The following KIF19 variants were observed in gnomAD, a reference collection of about 807,000 sequenced individuals.
KIF19 encodes the protein kinesin-like protein KIF19.
Under a neutral mutation model 106.6 loss-of-function variants are expected in KIF19, and 98 were observed. The observed-to-expected ratio is 0.92, with a 90% confidence interval of 0.78 to 1.09. The LOEUF is 1.09. Ranked by LOEUF, KIF19 falls within the 50% of genes least tolerant of loss-of-function variation. The probability of loss-of-function intolerance (pLI) is 0.00; values close to 1 mark genes in which losing one functional copy is unlikely to be tolerated. For missense variants in KIF19, 1,373 were observed against 1,414.3 expected (o/e 0.97, Z 0.47); for synonymous variants, 516 against 584.2 (o/e 0.88, Z 1.68).
chr17:74,344,709 C>T (rs1425997628), intron 6 of KIF19, 52 bp from the exon 7 acceptor site: 2 of 1,550,180 alleles, frequency 1.3e-6, no homozygotes, highest in East Asian at 2.3e-5. Flanking sequence ...CTCCTCTCTG[C>T]CGGAGCACCT....
intron 2 of KIF19, chr17:74,329,233 G>A (rs192113351): frequency 5.3e-4 from 80 of 152,244 alleles, no homozygotes; most frequent in African/African-American, 1.8e-3. Flanking sequence ...CAGATCACGA[G>A]GTCAAGAGAT....
intron 10 of KIF19, 69 bp downstream of exon 10, chr17:74,349,418 A>C: frequency 6.9e-7 from 1 of 1,453,648 alleles, no homozygotes; most frequent in East Asian, 2.4e-5. Context: ...GGATCAGGCC[A>C]TGTTGTGTTC....
chr17:74,343,233 G>A, intron 5 of KIF19, 73 bp downstream of exon 5: 1 of 1,497,010 alleles, frequency 6.7e-7, no homozygotes, highest in South Asian at 1.2e-5. Context: ...AGCTTCCCGG[G>A]GCGCTCATCA....
chr17:74,333,920 C>G (rs978720954), intron 2 of KIF19, among the ~76,000 whole-genome samples: 1 of 142,184 alleles, frequency 7.0e-6, no homozygotes, highest in Non-Finnish European at 1.5e-5. Context: ...AATTCCTGGG[C>G]TCAAAGGATC....
In KIF19 at chr17:74,326,230, T is replaced by A; in HGVS notation, c.-120T>A. The A allele has an allele frequency of 1.1e-6, 1 of 901,874 alleles. No homozygotes were observed. The highest frequency in any genetic ancestry group is 2.9e-5 in the East Asian group (1 of 34,332). 55.9% of individuals were successfully genotyped at this position (901,874 alleles called of 1,614,324 possible). A position where few individuals can be genotyped will look rare whatever the true frequency, so the allele number is the denominator to read the frequency against. The stretch of plus-strand genomic sequence containing the variant: ...CGCTGGCGCGTTGTTGGTTTCGGGT[T>A]GTCAGGCAGCGCGCGAGGCGGCGGG... On this transcript the variant is annotated 5_prime_UTR_variant, in exon 1 of 20. Transcript: ENST00000389916.
At chr17:74,340,555 G>GCGCACGCACACACACACA in intron 2 of KIF19, among the ~76,000 whole-genome samples, 1 of 148,210 alleles carries the variant, frequency 6.7e-6, no homozygotes, top group Non-Finnish European at 1.5e-5. Flanking sequence ...ATGCGCGCGC[G>GCGCACGCACACACACACA]TACACACACA....
At chr17:74,351,795 G>A in intron 12 of KIF19, 72 bp from the exon 13 acceptor site, 1 of 1,354,888 alleles carries the variant, frequency 7.4e-7, no homozygotes, top group East Asian at 3.1e-5. Flanking sequence ...GCGCTGGAGG[G>A]TCGAGGACGA....
intron 6 of KIF19, 145 bp downstream of exon 6, chr17:74,344,493 G>A (rs1850879551): frequency 1.5e-6 from 2 of 1,301,456 alleles, no homozygotes; most frequent in Non-Finnish European, 2.1e-6. Flanking sequence ...CAGCAAGGAG[G>A]GGACTCACAC....
chr17:74,344,690 C>G (rs967820155), intron 6 of KIF19, 71 bp from the exon 7 acceptor site: 2 of 1,494,196 alleles, frequency 1.3e-6, no homozygotes, highest in South Asian at 1.3e-5. Flanking sequence ...CTGCTAGCCC[C>G]CTCAGGGGCT....
Position 74,328,415 on chromosome 17 carries a change from TC to T in KIF19, c.40-7del, listed in dbSNP as rs1598363998. The stretch of plus-strand genomic sequence containing the variant: ...CCCTCTAATCCCAGGGGCTTGGTTT[TC>T]CCTCCCAGGTGGCGCTTCGGGTCCG... On this transcript the variant is annotated splice_polypyrimidine_tract_variant and intron_variant, in intron 1 of 19. Coordinates refer to ENST00000389916, the MANE Select transcript of KIF19 (RefSeq NM_153209.4). 6.2e-7 allele frequency: 1 copy of T among 1,602,084 alleles called. No homozygotes were observed. The highest frequency in any genetic ancestry group is 8.5e-7 in the Non-Finnish European group (1 of 1,175,488).
intron 9 of KIF19, 91 bp from the exon 10 acceptor site, chr17:74,349,093 G>A (rs1054985560): frequency 7.6e-7 from 1 of 1,323,366 alleles, no homozygotes; most frequent in Non-Finnish European, 1.1e-6. Flanking sequence ...AAGACTGGGG[G>A]AGGCAGGGGG....
rs550045285 is a variant in KIF19 at position 74,350,331 on chromosome 17, C to G, written c.1214-70C>G. 5 of 1,437,444 alleles carry G rather than the reference C, an allele frequency of 3.5e-6. No homozygotes were observed. In the Admixed American group the frequency reaches 8.8e-5, roughly 25 times the overall value. The allele number at this position is 1,437,444 out of a possible 1,614,324, so 89.0% of individuals were successfully genotyped here. On this transcript the variant is annotated intron_variant, in intron 10 of 19. Transcript: ENST00000389916. ...TGGGAAGAAAAGGAGGGGAGGGGCC[C>G]AGGTGGGCCCAGGCTTTGCTAGCTG...
At chr17:74,342,497 C>T (rs1051464827) in intron 3 of KIF19, 133 bp from the exon 4 acceptor site, 12 of 679,938 alleles carry the variant, frequency 1.8e-5, no homozygotes, top group Admixed American at 7.2e-5. Flanking sequence ...TCCCCCACCC[C>T]CCACCCCCAC....
chr17:74,343,230 C>A, intron 5 of KIF19, 70 bp downstream of exon 5: 5 of 1,519,568 alleles, frequency 3.3e-6, no homozygotes, highest in East Asian at 4.6e-5. Context: ...TGCAGCTTCC[C>A]GGGGCGCTCA....
At position 74,326,329 on chromosome 17, in the gene KIF19, G is replaced by A; in HGVS notation, c.-21G>A. 6.2e-7 allele frequency: 1 copy of A among 1,608,288 alleles called. No homozygotes were observed. Among genetic ancestry groups the A allele is most frequent in the Non-Finnish European group, 8.5e-7 (1 of 1,178,118 alleles). On this transcript the variant is annotated 5_prime_UTR_variant, in exon 1 of 20. Coordinates refer to ENST00000389916, the MANE Select transcript of KIF19 (RefSeq NM_153209.4). ...AGCCATGCCCGGTGGCGCGGCCTGA[G>A]CCCCTCCACCTGCTGCAATCATGAA...
Position 74,354,926 on chromosome 17 carries a change from C to G in KIF19, c.2851C>G (p.Pro951Ala), listed in dbSNP as rs1475808933. The G allele has an allele frequency of 3.2e-6, 5 of 1,579,928 alleles. No individual in the cohort carries two copies. Among genetic ancestry groups the G allele is most frequent in the Non-Finnish European group, 4.3e-6 (5 of 1,163,250 alleles). ...TLPLAKVKLP[P>A]SQNTGPGDSS... ...ACCTTTGGCCAAAGTCAAACTCCCT[C>G]CAAGCCAGAACACGGGTCAGTATGG... Residue 951 changes from proline (P) to alanine (A), a missense_variant, in exon 19 of 20, where the codon CCA becomes GCA. Coordinates refer to ENST00000389916, the MANE Select transcript of KIF19 (RefSeq NM_153209.4).
intron 6 of KIF19, 98 bp downstream of exon 6, chr17:74,344,446 C>A: frequency 6.6e-7 from 1 of 1,515,290 alleles, no homozygotes; most frequent in East Asian, 2.4e-5. Context: ...GCTCCCCACT[C>A]GGCTGAGGCT....
rs774360133 is a variant in KIF19, at chr17:74,350,364, C to T, written c.1214-37C>T. 4.2e-5 allele frequency: 65 copies of T among 1,533,600 alleles called. No homozygotes were observed. The African/African-American group carries it at 6.3e-4, about 15-fold the overall frequency. The allele number at this position is 1,533,600 out of a possible 1,614,324, so 95.0% of individuals were successfully genotyped here. On this transcript the variant is annotated intron_variant, in intron 10 of 19. Transcript: ENST00000389916. ...CCCAGGCTTTGCTAGCTGAACTTGC[C>T]GCCTCCTCTACCTTGCCCACCCTCA...
intron 1 of KIF19, among the ~76,000 whole-genome samples, chr17:74,327,652 T>C (rs529274595): frequency 6.6e-6 from 1 of 152,312 alleles, no homozygotes; most frequent in East Asian, 1.9e-4. Context: ...TTTGTATTTT[T>C]AGTAGAGACG....
Sources: allele counts gnomAD v4.1 joint callset (sites outside exome capture counted in the v4.1 genomes callset), GRCh38; gene constraint gnomAD v4.1.1; transcripts MANE v1.5; gene names NCBI Gene and HGNC (gene_info 2026-07-23, HGNC 2026-07-21).